Variants in ZEB2 observed in about 807,000 individuals in gnomAD.
ZEB2 encodes zinc finger E-box binding homeobox 2.
A neutral mutation model predicts 99.9 loss-of-function variants in ZEB2; 6 were observed. The observed-to-expected ratio is 0.06, with a 90% CI of 0.03 to 0.12. The LOEUF is 0.12. Ranked by LOEUF, ZEB2 falls within the 10% of genes least tolerant of loss-of-function variation. ZEB2 has a pLI of 1.00. For missense variants in ZEB2, 969 were observed against 1,502.8 expected (o/e 0.64, Z 5.87); for synonymous variants, 517 against 542.5 (o/e 0.95, Z 0.65).
rs1211765122 is a variant in ZEB2 at position 144,517,660 on chromosome 2, T to C, written c.-69-241A>G. 5.8e-6 allele frequency: 4 copies of C among 691,262 alleles called. No homozygotes were observed. In the East Asian group the frequency reaches 8.2e-5, roughly 14 times the overall value. The allele number at this position is 691,262 out of a possible 1,614,324, so 42.8% of individuals were successfully genotyped here. A position where few individuals can be genotyped will look rare whatever the true frequency, so the allele number is the denominator to read the frequency against. ...GGGGATCAGAGAGACAAGAATTACA[T>C]CTTCAAAATGAGTCATAACTCCTGA... On this transcript the variant is annotated intron_variant, in intron 1 of 9. Coordinates refer to ENST00000627532, the MANE Select transcript of ZEB2 (RefSeq NM_014795.4).
chr2:144,483,980 G>T (rs7573925), intron 2 of ZEB2, among the ~76,000 whole-genome samples: 2,792 of 152,180 alleles, frequency 0.018, 102 homozygotes, highest in African/African-American at 0.059. Flanking sequence ...AATCATATTT[G>T]GAATTCTAAA....
At chr2:144,425,404 G>A (rs763134630) in intron 3 of ZEB2, among the ~76,000 whole-genome samples, 11 of 152,152 alleles carry the variant, frequency 7.2e-5, no homozygotes, top group Admixed American at 2.0e-4. Context: ...AAATATCCCA[G>A]AAGTAACAAC....
intron 9 of ZEB2, chr2:144,390,490 T>C: frequency 4.1e-6 from 1 of 242,936 alleles, no homozygotes; most frequent in Non-Finnish European, 8.1e-6. Context: ...CATGAGATAG[T>C]TGCTTTGAAA....
At chr2:144,434,377 T>C (rs1703810871) in intron 2 of ZEB2, among the ~76,000 whole-genome samples, 1 of 152,144 alleles carries the variant, frequency 6.6e-6, no homozygotes. Context: ...TGGAGAAATA[T>C]AATCACAAAA....
intron 2 of ZEB2, chr2:144,513,700 G>T (rs779365577): frequency 3.9e-6 from 6 of 1,535,702 alleles, no homozygotes; most frequent in Non-Finnish European, 1.7e-6. Context: ...CGAATCAGGG[G>T]CAAAAGCAAC....
In ZEB2 at chr2:144,387,964, A is replaced by G. The variant is rs1703107131; in HGVS notation, c.*1487T>C. 6.6e-6 allele frequency: 1 copy of G among 152,650 alleles called. No individual in the cohort carries two copies. Among genetic ancestry groups the G allele is most frequent in the Admixed American group, 6.5e-5 (1 of 15,286 alleles). The allele number at this position is 152,650 out of a possible 1,614,324, so 9.5% of individuals were successfully genotyped here. ...TAAGCATAAAGCATGTTACATGTTA[A>G]TGGTCATTGAAGGAAAACTCTCTAA... On this transcript the variant is annotated 3_prime_UTR_variant, in exon 10 of 10. Coordinates refer to ENST00000627532, the MANE Select transcript of ZEB2 (RefSeq NM_014795.4).
intron 2 of ZEB2, chr2:144,513,361 A>C: frequency 7.6e-7 from 1 of 1,321,880 alleles, no homozygotes; most frequent in Non-Finnish European, 9.9e-7. Context: ...TGAAGTTCAG[A>C]GACCAAAGGC....
chr2:144,459,258 G>T (rs1704160810), intron 2 of ZEB2, among the ~76,000 whole-genome samples: 1 of 152,072 alleles, frequency 6.6e-6, no homozygotes. Context: ...TATATCTTTT[G>T]ATATACAACT....
chr2:144,483,778 T>G (rs1177338762), intron 2 of ZEB2, among the ~76,000 whole-genome samples: 1 of 152,198 alleles, frequency 6.6e-6, no homozygotes, highest in Non-Finnish European at 1.5e-5. Context: ...CCTCAAAGGC[T>G]ATCTTTGCTG....
At chr2:144,394,449 G>C (rs1024991229) in intron 9 of ZEB2, 1 of 152,158 alleles carries the variant, frequency 6.6e-6, no homozygotes, top group African/African-American at 2.4e-5. Context: ...ATCAGAGAGG[G>C]AAAGATGCCT....
chr2:144,495,516 GACA>G (rs1275284908), intron 2 of ZEB2: 1 of 152,166 alleles, frequency 6.6e-6, no homozygotes, highest in Non-Finnish European at 1.5e-5. Flanking sequence ...TTCACATGTA[GACA>G]CACCTACCAG....
At chr2:144,447,894 A>T (rs779306038) in intron 2 of ZEB2, among the ~76,000 whole-genome samples, 11 of 152,316 alleles carry the variant, frequency 7.2e-5, no homozygotes, top group Admixed American at 1.3e-4. Flanking sequence ...TTCAATTTGA[A>T]TCCAGCTGAC....
At chr2:144,391,272 A>G (rs1323635614) in intron 9 of ZEB2, among the ~76,000 whole-genome samples, 2 of 152,240 alleles carry the variant, frequency 1.3e-5, no homozygotes, top group African/African-American at 2.4e-5. Context: ...ATGTCATTTC[A>G]TTAATGGTCT....
intron 2 of ZEB2, chr2:144,449,619 C>A (rs2149899208): frequency 6.6e-6 from 1 of 152,360 alleles, no homozygotes; most frequent in South Asian, 2.1e-4. Context: ...AACTTTGTAT[C>A]TTCCCTTCTT....
At chr2:144,394,144 C>T (rs1258208563) in intron 9 of ZEB2, among the ~76,000 whole-genome samples, 2 of 152,178 alleles carry the variant, frequency 1.3e-5, no homozygotes, top group Non-Finnish European at 2.9e-5. Context: ...TGGTCTTGAA[C>T]TCCCGCTCTC....
chr2:144,498,427 T>G (rs911972807), intron 2 of ZEB2, among the ~76,000 whole-genome samples: 4 of 151,754 alleles, frequency 2.6e-5, no homozygotes, highest in African/African-American at 9.7e-5. Flanking sequence ...GCGGATCTTA[T>G]GTTCACAGGT....
intron 4 of ZEB2, among the ~76,000 whole-genome samples, chr2:144,410,284 T>G (rs1365469655): frequency 6.6e-6 from 1 of 152,168 alleles, no homozygotes; most frequent in Non-Finnish European, 1.5e-5. Flanking sequence ...TTAGGGTGAA[T>G]TTTCAGGTCC....
At chr2:144,433,808 A>T (rs996781725) in intron 2 of ZEB2, among the ~76,000 whole-genome samples, 2 of 152,296 alleles carry the variant, frequency 1.3e-5, no homozygotes, top group South Asian at 2.1e-4. Flanking sequence ...TTGCCTATAC[A>T]TATAACTTTT....
chr2:144,517,841 C>A, intron 1 of ZEB2: 3 of 571,740 alleles, frequency 5.2e-6, no homozygotes, highest in Non-Finnish European at 6.3e-6. Flanking sequence ...CCCCACCCCC[C>A]AATTCCCAGA....
Sources: gnomAD v4.1 joint callset for allele counts (sites outside exome capture counted in the v4.1 genomes callset) on GRCh38, gnomAD v4.1.1 for gene constraint, MANE v1.5 for transcripts, NCBI Gene and HGNC (gene_info 2026-07-23, HGNC 2026-07-21) for gene names.